The following GABRA1 variants were observed in gnomAD, a reference collection of about 807,000 sequenced individuals.
The protein encoded by GABRA1 is gamma-aminobutyric acid type A receptor subunit alpha1.
A neutral mutation model predicts 48.9 loss-of-function variants in GABRA1; 9 were observed. The ratio of observed to expected loss-of-function variants is 0.18; its 90% CI spans 0.11 to 0.32. GABRA1 has a LOEUF of 0.32. Ranked by LOEUF, GABRA1 falls within the 10% of genes least tolerant of loss-of-function variation. The pLI is 1.00. For missense variants in GABRA1, 285 were observed against 553.8 expected (o/e 0.51, Z 4.87); for synonymous variants, 210 against 198.7 (o/e 1.06, Z -0.48).
intron 3 of GABRA1, among the ~76,000 whole-genome samples, chr5:161,856,508 T>G (rs1446350236): frequency 6.6e-6 from 1 of 151,288 alleles, no homozygotes; most frequent in Non-Finnish European, 1.5e-5. Context: ...TATTTCTGAT[T>G]CCTGGTAACA....
intron 5 of GABRA1, among the ~76,000 whole-genome samples, chr5:161,875,330 A>G (rs1459053964): frequency 2.6e-5 from 4 of 152,188 alleles, no homozygotes; most frequent in Non-Finnish European, 4.4e-5. Context: ...TGCCCATTGT[A>G]CAATATCAGG....
chr5:161,886,831 A>G (rs1447176892), intron 7 of GABRA1, among the ~76,000 whole-genome samples: 1 of 152,076 alleles, frequency 6.6e-6, no homozygotes, highest in Non-Finnish European at 1.5e-5. Context: ...AGGGAACTAC[A>G]TGATGGCATA....
At chr5:161,882,748 A>G in intron 7 of GABRA1, 47 bp downstream of exon 7, 1 of 1,557,708 alleles carries the variant, frequency 6.4e-7, no homozygotes, top group Non-Finnish European at 8.9e-7. Context: ...AAGAAGAATA[A>G]TATTTTGTGA....
rs1215546738 is a variant in GABRA1 at position 161,895,980 on chromosome 5, C to A, written c.1059+112C>A. 8.8e-6 allele frequency: 8 copies of A among 911,776 alleles called. No individual in the cohort carries two copies. In the East Asian group the frequency reaches 1.2e-4, roughly 14 times the overall value. 56.5% of individuals were successfully genotyped at this position (911,776 alleles called of 1,614,324 possible). ...TGGAGTATGCAGAATAATAAGGATT[C>A]TTTTTTTCTTATGTCGTAAACAATT... On this transcript the variant is annotated intron_variant, in intron 9 of 9. Coordinates refer to ENST00000393943, the MANE Select transcript of GABRA1 (RefSeq NM_001127644.2).
chr5:161,859,918 A>G (rs1757788676), intron 3 of GABRA1, among the ~76,000 whole-genome samples: 1 of 151,664 alleles, frequency 6.6e-6, no homozygotes, highest in Admixed American at 6.6e-5. Context: ...AGCCTTTAGT[A>G]TTATGTTTTG....
chr5:161,889,354 T>A (rs1369223716), intron 7 of GABRA1, among the ~76,000 whole-genome samples: 1 of 152,088 alleles, frequency 6.6e-6, no homozygotes, highest in Non-Finnish European at 1.5e-5. Context: ...CTGACTATTT[T>A]GTAGACAAGA....
intron 4 of GABRA1, among the ~76,000 whole-genome samples, chr5:161,866,076 A>G (rs1753827692): frequency 6.6e-6 from 1 of 152,108 alleles, no homozygotes; most frequent in African/African-American, 2.4e-5. Flanking sequence ...CACAAGCCAT[A>G]CAGTATGAGT....
rs150700951 is a variant in GABRA1 at position 161,865,388 on chromosome 5, T to C, written c.188-333T>C. Among the ~76,000 whole-genome samples the C allele has an allele frequency of 1.8e-3, 270 of 152,194 alleles. 1 individual carries two copies. Among genetic ancestry groups the C allele is most frequent in the Non-Finnish European group, 3.4e-3 (230 of 67,974 alleles). ...TGTAAAAATACTTAAGCTTAAGCTA[T>C]ACCAACATGTTAATGTATTTTCATT... is the stretch of plus-strand genomic sequence containing the variant. On this transcript the variant is annotated intron_variant, in intron 3 of 9. Coordinates refer to ENST00000393943, the MANE Select transcript of GABRA1 (RefSeq NM_001127644.2).
rs1755539858 is a variant in GABRA1 at position 161,899,917 on chromosome 5, C to A, written c.*2495C>A. 6.6e-6 allele frequency: 1 copy of A among 152,114 alleles called. No homozygotes were observed. The allele number at this position is 152,114 out of a possible 1,614,324, so 9.4% of individuals were successfully genotyped here. On this transcript the variant is annotated 3_prime_UTR_variant, in exon 10 of 10. Coordinates refer to ENST00000393943, the MANE Select transcript of GABRA1 (RefSeq NM_001127644.2). Reference sequence around the variant, plus strand: ...TCTTAATTTTATGTCATACTGTATTCTACTGAATAATAAAGCTAACATTAT... The same window carrying A: ...TCTTAATTTTATGTCATACTGTATTATACTGAATAATAAAGCTAACATTAT...
intron 8 of GABRA1, among the ~76,000 whole-genome samples, chr5:161,891,845 T>C (rs1242965709): frequency 6.6e-6 from 1 of 152,206 alleles, no homozygotes; most frequent in Admixed American, 6.5e-5. Flanking sequence ...GTTATGAAAA[T>C]TGCATTCTGA....
At position 161,875,691 on chromosome 5, in the gene GABRA1, A is replaced by G. The variant is rs200878311; in HGVS notation, c.559+49A>G. ...TCTTGATTGTAAGTCATTAAGCAAG[A>G]GATCTCTAGCTATATCTGTGAGAAA... On this transcript the variant is annotated intron_variant, in intron 6 of 9. Coordinates refer to ENST00000393943, the MANE Select transcript of GABRA1 (RefSeq NM_001127644.2). The G allele has an allele frequency of 1.2e-5, 16 of 1,340,662 alleles. No homozygotes were observed. In the Middle Eastern group the frequency reaches 5.4e-4, roughly 45 times the overall value. The allele number at this position is 1,340,662 out of a possible 1,614,324, so 83.0% of individuals were successfully genotyped here. A position where few individuals can be genotyped will look rare whatever the true frequency, so the allele number is the denominator to read the frequency against.
intron 3 of GABRA1, among the ~76,000 whole-genome samples, chr5:161,858,573 G>C (rs1214410299): frequency 1.3e-5 from 2 of 151,708 alleles, no homozygotes; most frequent in Admixed American, 6.6e-5. Flanking sequence ...ATGCCACCAA[G>C]CTAAGGGTTT....
At chr5:161,890,572 T>C (rs1755044843) in intron 7 of GABRA1, among the ~76,000 whole-genome samples, 3 of 152,106 alleles carry the variant, frequency 2.0e-5, no homozygotes, top group Admixed American at 6.6e-5. Flanking sequence ...TTTAGCATAT[T>C]GCCTTCTCAG....
Position 161,848,431 on chromosome 5 carries a change from G to A in GABRA1, c.-16+9G>A, listed in dbSNP as rs1217613747. The A allele has an allele frequency of 1.3e-5, 2 of 148,700 alleles. No homozygotes were observed. Among genetic ancestry groups the A allele is most frequent in the African/African-American group, 5.0e-5 (2 of 40,124 alleles). 9.2% of individuals were successfully genotyped at this position (148,700 alleles called of 1,614,324 possible). A position where few individuals can be genotyped will look rare whatever the true frequency, so the allele number is the denominator to read the frequency against. On this transcript the variant is annotated intron_variant, in intron 1 of 9. Coordinates refer to ENST00000393943, the MANE Select transcript of GABRA1 (RefSeq NM_001127644.2). Reference sequence around the variant, plus strand: ...TCCAGAGGGGGCCTTAGGTAAGTGCGACTTTGGACCACGATACACAGACAG... The same window carrying A: ...TCCAGAGGGGGCCTTAGGTAAGTGCAACTTTGGACCACGATACACAGACAG...
chr5:161,863,924 T>C (rs1757954944), intron 3 of GABRA1, among the ~76,000 whole-genome samples: 1 of 151,958 alleles, frequency 6.6e-6, no homozygotes, highest in Non-Finnish European at 1.5e-5. Context: ...AGGATGTTAA[T>C]GTTTTCAACA....
At chr5:161,867,574 A>G (rs1419044469) in intron 4 of GABRA1, among the ~76,000 whole-genome samples, 1 of 152,088 alleles carries the variant, frequency 6.6e-6, no homozygotes, top group African/African-American at 2.4e-5. Flanking sequence ...TTCCTTCAAC[A>G]TTTTTATAAG....
At chr5:161,855,245 TCAAA>T (rs1757604817) in intron 3 of GABRA1, among the ~76,000 whole-genome samples, 2 of 151,616 alleles carry the variant, frequency 1.3e-5, no homozygotes, top group South Asian at 4.1e-4. Context: ...GCTTACAAAT[TCAAA>T]CAATGATTTT....
chr5:161,874,412 G>T (rs961363656), intron 5 of GABRA1, among the ~76,000 whole-genome samples: 1 of 151,888 alleles, frequency 6.6e-6, no homozygotes, highest in African/African-American at 2.4e-5. Context: ...GATTATCTAA[G>T]CAGGACCTAT....
At chr5:161,896,886 C>T (rs1755392578) in intron 9 of GABRA1, among the ~76,000 whole-genome samples, 1 of 152,102 alleles carries the variant, frequency 6.6e-6, no homozygotes, top group Non-Finnish European at 1.5e-5. Flanking sequence ...GTAACATCTA[C>T]CTTATTTAAT....
Sources: gnomAD v4.1 joint callset for allele counts (sites outside exome capture counted in the v4.1 genomes callset) on GRCh38, gnomAD v4.1.1 for gene constraint, MANE v1.5 for transcripts, NCBI Gene and HGNC (gene_info 2026-07-23, HGNC 2026-07-21) for gene names.